The following DACH2 variants were observed in gnomAD, a reference collection of about 807,000 sequenced individuals.
DACH2 encodes dachshund family transcription factor 2.
In DACH2, 17 loss-of-function variants were observed where a neutral mutation model predicts 35.8. The ratio of observed to expected loss-of-function variants is 0.48; its 90% confidence interval spans 0.33 to 0.71. The LOEUF (loss-of-function observed/expected upper bound fraction) is 0.71. DACH2 is among the 30% of genes least tolerant of loss of function. The pLI is 0.02. For synonymous variants in DACH2, 195 were observed against 177.3 expected (o/e 1.10, Z -0.79); for missense variants, 469 against 472.7 (o/e 0.99, Z 0.07).
At chrX:86,729,756 A>G (rs1291765) in intron 6 of DACH2, among the ~76,000 whole-genome samples, 25,306 of 109,982 alleles carry the variant, frequency 0.23, 2,415 homozygotes, top group Admixed American at 0.44. Flanking sequence ...TTATTTAAAA[A>G]TGTGTTGCAC....
At chrX:86,798,738 C>A (rs776680386) in intron 7 of DACH2, 9 of 124,142 alleles carry the variant, frequency 7.2e-5, no homozygotes, top group Non-Finnish European at 1.1e-4. Flanking sequence ...GCTTTCTGGG[C>A]ATAACCGTTC....
At chrX:86,582,766 TAA>T (rs1048829352) in intron 3 of DACH2, among the ~76,000 whole-genome samples, 3 of 110,041 alleles carry the variant, frequency 2.7e-5, no homozygotes, top group African/African-American at 9.9e-5. Context: ...GATTCACTGC[TAA>T]AGTCTACCAG....
chrX:86,556,218 G>A (rs1440668753), intron 3 of DACH2, among the ~76,000 whole-genome samples: 1 of 111,113 alleles, frequency 9.0e-6, no homozygotes, highest in Non-Finnish European at 1.9e-5. Flanking sequence ...CTCTCAATAG[G>A]GTCATACAAT....
intron 3 of DACH2, among the ~76,000 whole-genome samples, chrX:86,576,390 TTTTTATTG>T (rs2039435933): frequency 8.9e-6 from 1 of 111,764 alleles, no homozygotes; most frequent in Admixed American, 9.5e-5. Flanking sequence ...AAAACATACA[TTTTTATTG>T]GTGTTTGTTA....
intron 1 of DACH2, among the ~76,000 whole-genome samples, chrX:86,343,381 T>C (rs2035444532): frequency 1.3e-5 from 1 of 75,592 alleles, no homozygotes; most frequent in Admixed American, 1.3e-4. Context: ...GACAAGGAAA[T>C]GGAGACTTAG....
chrX:86,203,593 T>A (rs754958423), intron 1 of DACH2, among the ~76,000 whole-genome samples: 161 of 112,047 alleles, frequency 1.4e-3, no homozygotes, highest in Admixed American at 3.4e-3. Flanking sequence ...TATCAACAGA[T>A]GAATAGATTT....
chrX:86,507,817 T>C (rs2038346374), intron 2 of DACH2, among the ~76,000 whole-genome samples: 1 of 111,843 alleles, frequency 8.9e-6, no homozygotes, highest in African/African-American at 3.3e-5. Flanking sequence ...TTATTTAGAA[T>C]GGATTGGAAC....
At chrX:86,772,323 C>T (rs1222755243) in intron 7 of DACH2, among the ~76,000 whole-genome samples, 2 of 111,351 alleles carry the variant, frequency 1.8e-5, no homozygotes, top group Non-Finnish European at 3.8e-5. Flanking sequence ...TTAACTGTCC[C>T]AATAGCAAGA....
At chrX:86,239,744 T>C (rs2033127181) in intron 1 of DACH2, among the ~76,000 whole-genome samples, 1 of 112,125 alleles carries the variant, frequency 8.9e-6, no homozygotes, top group Non-Finnish European at 1.9e-5. Flanking sequence ...AGACTTAGTC[T>C]TGTTTTAAGC....
chrX:86,179,861 C>CT (rs2031419030), intron 1 of DACH2, among the ~76,000 whole-genome samples: 1 of 109,569 alleles, frequency 9.1e-6, no homozygotes, highest in Non-Finnish European at 1.9e-5. Flanking sequence ...GCAGTCCTTT[C>CT]TTTTTTCCTG....
intron 1 of DACH2, among the ~76,000 whole-genome samples, chrX:86,351,095 T>A (rs1327658453): frequency 4.8e-5 from 1 of 20,739 alleles, no homozygotes; most frequent in Non-Finnish European, 6.6e-5. Flanking sequence ...TCACGTCCCT[T>A]GTAAGTTGGA....
chrX:86,440,082 T>C (rs375956984), intron 2 of DACH2, among the ~76,000 whole-genome samples: 1 of 111,383 alleles, frequency 9.0e-6, no homozygotes, highest in Non-Finnish European at 1.9e-5. Flanking sequence ...TTGAGAAGAA[T>C]GTGTAATTTG....
intron 6 of DACH2, among the ~76,000 whole-genome samples, chrX:86,733,577 G>A (rs192567088): frequency 1.8e-5 from 2 of 111,891 alleles, no homozygotes; most frequent in East Asian, 5.6e-4. Flanking sequence ...TACCTTACTG[G>A]TATGGAATTC....
chrX:86,452,027 T>C (rs1159630372), intron 2 of DACH2, among the ~76,000 whole-genome samples: 13 of 111,947 alleles, frequency 1.2e-4, no homozygotes, highest in Non-Finnish European at 1.9e-5. Context: ...TTTAGAGTTT[T>C]TAACATAAAG....
chrX:86,656,730 G>T (rs1334696311), intron 4 of DACH2, among the ~76,000 whole-genome samples: 1 of 106,721 alleles, frequency 9.4e-6, no homozygotes, highest in Non-Finnish European at 1.9e-5. Flanking sequence ...TTCTTTCTTG[G>T]TATCATCTTT....
chrX:86,417,921 A>G (rs768606940), intron 2 of DACH2, among the ~76,000 whole-genome samples: 1 of 112,031 alleles, frequency 8.9e-6, no homozygotes, highest in Admixed American at 9.4e-5. Context: ...GTTACTTCCT[A>G]GATACAATGG....
At chrX:86,318,131 A>G (rs2034948332) in intron 1 of DACH2, among the ~76,000 whole-genome samples, 1 of 112,422 alleles carries the variant, frequency 8.9e-6, no homozygotes, top group Admixed American at 9.4e-5. Flanking sequence ...GGAACCAGGC[A>G]GAGCAAACAA....
intron 2 of DACH2, among the ~76,000 whole-genome samples, chrX:86,430,525 C>A (rs1165844302): frequency 8.9e-6 from 1 of 112,161 alleles, no homozygotes; most frequent in Non-Finnish European, 1.9e-5. Flanking sequence ...CGTGACAATG[C>A]GTTTCCAAAT....
At chrX:86,324,904 T>C (rs73518135) in intron 1 of DACH2, among the ~76,000 whole-genome samples, 2,879 of 110,168 alleles carry the variant, frequency 0.026, 91 homozygotes, top group African/African-American at 0.09. Context: ...CATCAACATA[T>C]AGGACCAGCT....
Sources: gnomAD v4.1 joint callset for allele counts (sites outside exome capture counted in the v4.1 genomes callset) on GRCh38, gnomAD v4.1.1 for gene constraint, MANE v1.5 for transcripts, NCBI Gene and HGNC (gene_info 2026-07-23, HGNC 2026-07-21) for gene names.